Variants in CIITA observed in about 807,000 individuals in gnomAD.
CIITA encodes MHC class II transactivator.
CIITA carries 72 observed loss-of-function variants against 115.1 expected under a neutral mutation model. The observed-to-expected ratio is 0.63, with a 90% CI of 0.52 to 0.76. The LOEUF is 0.76. CIITA is among the 30% of genes least tolerant of loss of function. The pLI, the probability that CIITA is intolerant of heterozygous loss-of-function variation, is 0.00. For synonymous variants in CIITA, 763 were observed against 635.6 expected (o/e 1.20, Z -3.02); for missense variants, 1,617 against 1,463.8 (o/e 1.10, Z -1.71).
intron 13 of CIITA, among the ~76,000 whole-genome samples, chr16:10,911,540 CCTTTCCTTTT>C (rs78940317): frequency 0.26 from 38,175 of 147,550 alleles, 5,156 homozygotes; most frequent in South Asian, 0.37. Flanking sequence ...CCTTCTTTTT[CCTTTCCTTTT>C]CTTTCCTTTT....
At position 10,920,113 on chromosome 16, in the gene CIITA, G is replaced by C. The variant is rs141134122; in HGVS notation, c.3149+1587G>C. Reference sequence around the variant, plus strand: ...CAGAGGCTGGGCAATGGTGGAAGTAGGGGAGGTCAGGGGAATCCAGATCAC... The same window carrying C: ...CAGAGGCTGGGCAATGGTGGAAGTACGGGAGGTCAGGGGAATCCAGATCAC... On this transcript the variant is annotated intron_variant, in intron 16 of 19. Coordinates refer to ENST00000324288, the MANE Select transcript of CIITA (RefSeq NM_000246.4). The surrounding 1 kb of genome is among the most constrained non-coding windows in gnomAD (Gnocchi z 4.5). Among the ~76,000 whole-genome samples the C allele has an allele frequency of 2.1e-3, 320 of 152,340 alleles. 1 individual carries two copies. The highest frequency in any genetic ancestry group is 7.1e-3 in the African/African-American group (294 of 41,584).
In CIITA at chr16:10,929,082, G is replaced by T; in HGVS notation, c.*5227G>T. The T allele has an allele frequency of 4.7e-6, 2 of 421,304 alleles. No individual in the cohort carries two copies. The highest frequency in any genetic ancestry group is 9.9e-5 in the South Asian group (1 of 10,066). The allele number at this position is 421,304 out of a possible 1,614,324, so 26.1% of individuals were successfully genotyped here. ...TGCTGAAGAACGAGTAACCTGAAAT[G>T]AAGGAGCGAGAATCCCACCCTCAGC... is the stretch of plus-strand genomic sequence containing the variant. On this transcript the variant is annotated 3_prime_UTR_variant, in exon 20 of 20. Transcript: ENST00000324288. The surrounding 1 kb of genome is among the most constrained non-coding windows in gnomAD (Gnocchi z 4.3).
chr16:10,904,953 ATTCAC>A (rs1160360226), intron 10 of CIITA, 141 bp downstream of exon 10: 1 of 858,002 alleles, frequency 1.2e-6, no homozygotes, highest in Admixed American at 2.0e-5. Flanking sequence ...TCATTCATTC[ATTCAC>A]TTATTTGATT....
chr16:10,938,861 G>A (rs2041064498), downstream of CIITA: 1 of 152,192 alleles, frequency 6.6e-6, no homozygotes, highest in South Asian at 2.1e-4. This position sits in a 1 kb window ranked among gnomAD's most constrained non-coding sequence, Gnocchi z 4.9. Context: ...AAAATATGTC[G>A]AAGCATTTGG....
In CIITA at chr16:10,925,497, C is replaced by T. The variant is rs1291290867; in HGVS notation, c.*1642C>T. On this transcript the variant is annotated 3_prime_UTR_variant, in exon 20 of 20. Transcript: ENST00000324288. The stretch of plus-strand genomic sequence containing the variant: ...AATCTTTAGTTTTATTTTTGTAGAG[C>T]CAGGGTCTCACTATGTTGCCCAGGC... 1 of 152,176 alleles carries T rather than the reference C, an allele frequency of 6.6e-6. No individual in the cohort carries two copies. The highest frequency in any genetic ancestry group is 1.5e-5 in the Non-Finnish European group (1 of 68,084). The allele number at this position is 152,176 out of a possible 1,614,324, so 9.4% of individuals were successfully genotyped here. A position where few individuals can be genotyped will look rare whatever the true frequency, so the allele number is the denominator to read the frequency against.
chr16:10,869,157 G>A (rs1413157517), intron 1 of CIITA, among the ~76,000 whole-genome samples: 3 of 152,192 alleles, frequency 2.0e-5, no homozygotes, highest in East Asian at 1.9e-4. Context: ...TGTGCTAAAC[G>A]CTGCACTGGC....
chr16:10,868,053 C>T (rs1370229481), intron 1 of CIITA, among the ~76,000 whole-genome samples: 1 of 152,230 alleles, frequency 6.6e-6, no homozygotes, highest in African/African-American at 2.4e-5. Context: ...TGAGCCACCA[C>T]ACCCAACCTG....
At chr16:10,908,269 A>G in intron 11 of CIITA, 120 bp downstream of exon 11, 8 of 1,219,110 alleles carry the variant, frequency 6.6e-6, no homozygotes, top group Non-Finnish European at 9.4e-6. Context: ...GTGGGGCAGA[A>G]TGGATTCTCT....
At chr16:10,912,771 C>T (rs1334658851) in intron 13 of CIITA, among the ~76,000 whole-genome samples, 1 of 152,220 alleles carries the variant, frequency 6.6e-6, no homozygotes, top group South Asian at 2.1e-4. Flanking sequence ...ATCGGAACTG[C>T]GCTCTGGGGA....
chr16:10,870,926 G>T (rs1217638249), intron 1 of CIITA, among the ~76,000 whole-genome samples: 1 of 152,180 alleles, frequency 6.6e-6, no homozygotes, highest in Non-Finnish European at 1.5e-5. Flanking sequence ...CAGTCTGGGG[G>T]CCCCAGACAA....
At chr16:10,875,100 C>T (rs1000084022), upstream of CIITA, among the ~76,000 whole-genome samples, 1 of 152,056 alleles carries the variant, frequency 6.6e-6, no homozygotes, top group Non-Finnish European at 1.5e-5. Flanking sequence ...TCCCGAGTAG[C>T]ACACGCACCA....
Position 10,877,357 on chromosome 16 carries a change from T to TACCC in CIITA, c.27_28insACCC (p.Gly10ThrfsTer31). ...TGCGTTGCCTGGCTCCACGCCCTGC[T>TACCC]GGGTCCTACCTGTCAGAGCCCCAAG... On this transcript the variant is annotated frameshift_variant, in exon 1 of 20. Transcript: ENST00000324288. LOFTEE classifies it high-confidence loss of function. The TACCC allele has an allele frequency of 6.2e-7, 1 of 1,613,412 alleles. No homozygotes were observed. The highest frequency in any genetic ancestry group is 8.5e-7 in the Non-Finnish European group (1 of 1,179,650).
chr16:10,871,128 G>A (rs373500925), intron 1 of CIITA, among the ~76,000 whole-genome samples: 9 of 152,330 alleles, frequency 5.9e-5, no homozygotes, highest in South Asian at 4.1e-4. Flanking sequence ...CGGGCGCCCC[G>A]CCTCAGTTTC....
chr16:10,885,651 C>T (rs182664920), intron 1 of CIITA, among the ~76,000 whole-genome samples: 1 of 152,312 alleles, frequency 6.6e-6, no homozygotes, highest in African/African-American at 2.4e-5. Flanking sequence ...GCTCCTCCCC[C>T]ATCCTGCTCC....
At chr16:10,886,539 A>G (rs555798085) in intron 1 of CIITA, among the ~76,000 whole-genome samples, 1 of 152,310 alleles carries the variant, frequency 6.6e-6, no homozygotes, top group Admixed American at 6.5e-5. Flanking sequence ...ATCCTTAGAT[A>G]TTCTACATGA....
chr16:10,942,080 G>A lies in CIITA; in HGVS notation n.1206G>A. The A allele has an allele frequency of 8.0e-7, 1 of 1,254,992 alleles. No homozygotes were observed. The highest frequency in any genetic ancestry group is 1.0e-6 in the Non-Finnish European group (1 of 976,732). The allele number at this position is 1,254,992 out of a possible 1,614,324, so 77.7% of individuals were successfully genotyped here. The stretch of plus-strand genomic sequence containing the variant: ...CTGCGGCGCCCGGGCGGCCGGCGAG[G>A]GCACAGCGCAGCCATCCAGGGGTAC... On this transcript the variant is annotated non_coding_transcript_exon_variant, in exon 2 of 2. Transcript: ENST00000573379. This position sits in a 1 kb window ranked among gnomAD's most constrained non-coding sequence, Gnocchi z 5.0.
In CIITA at chr16:10,935,241, G is replaced by A. The variant is rs2145400979; in HGVS notation, c.*11386G>A. 1 of 152,380 alleles carries A rather than the reference G, an allele frequency of 6.6e-6. No homozygotes were observed. The highest frequency in any genetic ancestry group is 2.1e-4 in the South Asian group (1 of 4,834). The allele number at this position is 152,380 out of a possible 1,614,324, so 9.4% of individuals were successfully genotyped here. On this transcript the variant is annotated 3_prime_UTR_variant, in exon 20 of 20. Coordinates refer to ENST00000324288, the MANE Select transcript of CIITA (RefSeq NM_000246.4). Reference sequence around the variant, plus strand: ...AGAGGGTATACGGAGGTGACCCTAAGTAACAAGGAATCACATATAGTGAGC... The same window carrying A: ...AGAGGGTATACGGAGGTGACCCTAAATAACAAGGAATCACATATAGTGAGC...
At chr16:10,895,883 A>C in intron 3 of CIITA, 119 bp downstream of exon 3, 1 of 984,372 alleles carries the variant, frequency 1.0e-6, no homozygotes, top group Non-Finnish European at 1.6e-6. Context: ...AAATCATTGC[A>C]AGGGGGATGC....
intron 11 of CIITA, 191 bp from the exon 12 acceptor site, chr16:10,908,838 C>A: frequency 1.3e-6 from 1 of 771,412 alleles, no homozygotes; most frequent in South Asian, 1.6e-5. Context: ...GGAAAGAAAA[C>A]CACTGTGTGA....
Sources: gnomAD v4.1 joint callset for allele counts (sites outside exome capture counted in the v4.1 genomes callset) on GRCh38, gnomAD v4.1.1 for gene constraint, Gnocchi (gnomAD v3.1) non-coding constraint, MANE v1.5 for transcripts, NCBI Gene and HGNC (gene_info 2026-07-23, HGNC 2026-07-21) for gene names.